Variants in DIAPH3 observed in about 807,000 individuals in gnomAD.
DIAPH3 encodes diaphanous related formin 3.
In DIAPH3, 117 loss-of-function variants were observed where a neutral mutation model predicts 144.3. The observed-to-expected ratio is 0.81, with a 90% CI of 0.70 to 0.95. The LOEUF is 0.95. Ranked by LOEUF, DIAPH3 falls within the 40% of genes least tolerant of loss-of-function variation. The pLI is 0.00. For missense variants in DIAPH3, 1,421 were observed against 1,412.7 expected (o/e 1.01, Z -0.09); for synonymous variants, 519 against 488.9 (o/e 1.06, Z -0.81).
chr13:59,774,901 G>T, intron 25 of DIAPH3, 78 bp from the exon 26 acceptor site: 1 of 1,189,078 alleles, frequency 8.4e-7, no homozygotes, highest in South Asian at 1.2e-5. Context: ...AAAAACTGGT[G>T]ATGGTGATGG....
At chr13:60,161,139 C>A (rs1952271303) in intron 1 of DIAPH3, among the ~76,000 whole-genome samples, 1 of 152,188 alleles carries the variant, frequency 6.6e-6, no homozygotes, top group Non-Finnish European at 1.5e-5. Context: ...TACTCCTATC[C>A]ATCACATCAC....
rs9563754 is a variant in DIAPH3 at position 59,670,825 on chromosome 13, C to T, written c.3320-3979G>A. On this transcript the variant is annotated intron_variant, in intron 27 of 27. Transcript: ENST00000400324. ...GTCTCGATCTCCTGACCTCGTGATC[C>T]GCCCGCCTTGGCCTCCCAAAAGTGC... 2.6e-5 allele frequency among the ~76,000 whole-genome samples: 4 copies of T among 152,174 alleles called. No homozygotes were observed. The East Asian group carries it at 7.7e-4, about 29-fold the overall frequency.
intron 4 of DIAPH3, among the ~76,000 whole-genome samples, chr13:60,075,476 G>A (rs1285057904): frequency 6.6e-6 from 1 of 152,054 alleles, no homozygotes; most frequent in African/African-American, 2.4e-5. Flanking sequence ...ATTTTAACCT[G>A]CTCAATAGCA....
chr13:59,700,615 T>A (rs2034055203), intron 27 of DIAPH3, among the ~76,000 whole-genome samples: 1 of 152,192 alleles, frequency 6.6e-6, no homozygotes, highest in South Asian at 2.1e-4. Flanking sequence ...AAGTATCTCC[T>A]CCATGCCTCT....
At chr13:59,795,582 T>C (rs1215276411) in intron 25 of DIAPH3, among the ~76,000 whole-genome samples, 1 of 151,780 alleles carries the variant, frequency 6.6e-6, no homozygotes, top group African/African-American at 2.4e-5. Context: ...GCCTCCTGAG[T>C]AGCTGGGACT....
chr13:60,136,779 CAAAAA>C (rs952833162), intron 1 of DIAPH3, among the ~76,000 whole-genome samples: 2 of 145,526 alleles, frequency 1.4e-5, no homozygotes, highest in South Asian at 2.2e-4. Flanking sequence ...ACTAAAAATA[CAAAAA>C]AAAAAATTAG....
intron 27 of DIAPH3, among the ~76,000 whole-genome samples, chr13:59,690,570 A>G (rs1420643524): frequency 1.3e-5 from 2 of 152,174 alleles, no homozygotes; most frequent in Admixed American, 6.5e-5. Context: ...TGTTACAGCT[A>G]CATTATGGGT....
chr13:59,974,245 A>G (rs1296654569), intron 15 of DIAPH3, 107 bp downstream of exon 15: 11 of 888,252 alleles, frequency 1.2e-5, no homozygotes, highest in Non-Finnish European at 1.8e-5. Flanking sequence ...ATAAAAATAT[A>G]CAAGCAAAAT....
intron 4 of DIAPH3, among the ~76,000 whole-genome samples, chr13:60,078,052 C>A (rs2057433680): frequency 6.6e-6 from 1 of 152,060 alleles, no homozygotes; most frequent in Non-Finnish European, 1.5e-5. Context: ...AAAACTGAGT[C>A]TTTGTATGTT....
chr13:60,115,817 TGCAAATCTAC>T (rs2058689610), intron 2 of DIAPH3, among the ~76,000 whole-genome samples: 1 of 152,158 alleles, frequency 6.6e-6, no homozygotes, highest in Admixed American at 6.5e-5. Flanking sequence ...TTCAAATTAT[TGCAAATCTAC>T]AAAAATCTCC....
At chr13:60,029,074 A>G (rs1363425309) in intron 5 of DIAPH3, among the ~76,000 whole-genome samples, 4 of 147,998 alleles carry the variant, frequency 2.7e-5, no homozygotes, top group East Asian at 4.0e-4. Flanking sequence ...AAAAGGGGGG[A>G]TTTTTTTTCT....
intron 20 of DIAPH3, among the ~76,000 whole-genome samples, chr13:59,894,664 T>C (rs1328722016): frequency 1.4e-5 from 2 of 142,832 alleles, no homozygotes; most frequent in East Asian, 2.1e-4. Context: ...CTAATTGAAC[T>C]AGTTTTCTCT....
chr13:59,714,477 A>G (rs1593649528), intron 27 of DIAPH3, among the ~76,000 whole-genome samples: 1 of 152,096 alleles, frequency 6.6e-6, no homozygotes. Context: ...TGAGGCTGCA[A>G]TGGGCTATGA....
At chr13:59,911,515 T>C (rs1593947405) in intron 20 of DIAPH3, among the ~76,000 whole-genome samples, 2 of 152,218 alleles carry the variant, frequency 1.3e-5, no homozygotes, top group East Asian at 3.8e-4. Context: ...ATACATACAA[T>C]TTTCAAAAGC....
At chr13:60,101,728 A>G (rs2058274022) in intron 3 of DIAPH3, among the ~76,000 whole-genome samples, 1 of 152,088 alleles carries the variant, frequency 6.6e-6, no homozygotes, top group Non-Finnish European at 1.5e-5. Context: ...CCTTTTCATT[A>G]TCTAAAACCT....
intron 20 of DIAPH3, among the ~76,000 whole-genome samples, chr13:59,902,650 C>A (rs1354444488): frequency 6.6e-6 from 1 of 152,100 alleles, no homozygotes; most frequent in Non-Finnish European, 1.5e-5. Flanking sequence ...GTGGCGCACA[C>A]CTGTAATCCT....
chr13:59,745,970 A>G (rs2036681017), intron 27 of DIAPH3, among the ~76,000 whole-genome samples: 1 of 152,154 alleles, frequency 6.6e-6, no homozygotes, highest in African/African-American at 2.4e-5. Context: ...TAGTTCATAC[A>G]CTAATTTTCT....
At chr13:60,161,173 C>T (rs1407450441) in intron 1 of DIAPH3, among the ~76,000 whole-genome samples, 1 of 152,180 alleles carries the variant, frequency 6.6e-6, no homozygotes, top group African/African-American at 2.4e-5. Flanking sequence ...TTGTTCCCAT[C>T]AAAAACAGCT....
rs183100702 is a variant in DIAPH3 at position 59,702,316 on chromosome 13, C to T, written c.3320-35470G>A. 2.1e-3 allele frequency among the ~76,000 whole-genome samples: 319 copies of T among 152,122 alleles called. 11 individuals carry two copies. Among genetic ancestry groups the T allele is most frequent in the Admixed American group, 0.02 (302 of 15,270 alleles). On this transcript the variant is annotated intron_variant, in intron 27 of 27. Transcript: ENST00000400324. ...GAGCCACTTGTCATAAAAGAAATTA[C>T]GCTTAACTTACAAATTGAATGTGGT...
Sources: allele counts gnomAD v4.1 joint callset (sites outside exome capture counted in the v4.1 genomes callset), GRCh38; gene constraint gnomAD v4.1.1; transcripts MANE v1.5; gene names NCBI Gene and HGNC (gene_info 2026-07-23, HGNC 2026-07-21).